SHISAL2A: variants seen among roughly 807,000 people sequenced by gnomAD.
SHISAL2A encodes protein shisa-like-2A.
SHISAL2A carries 18 observed loss-of-function variants against 11.5 expected under a neutral mutation model. That is an observed-to-expected ratio of 1.57 (90% CI 1.08 to 2.33). SHISAL2A has a LOEUF of 2.33. SHISAL2A is among the 30% of genes most tolerant of loss of function. SHISAL2A has a pLI of 0.00. For synonymous variants in SHISAL2A, 94 were observed against 99.6 expected (o/e 0.94, Z 0.34); for missense variants, 261 against 250.9 (o/e 1.04, Z -0.27).
chr1:52,667,396 C>T (rs1692032546), intron 4 of SHISAL2A: 1 of 984,650 alleles, frequency 1.0e-6, no homozygotes, highest in Non-Finnish European at 1.2e-6. Flanking sequence ...TATGACCCTG[C>T]AGGTGGTTCC....
At chr1:52,658,061 A>C (rs925762133), downstream of SHISAL2A, among the ~76,000 whole-genome samples, 7 of 150,084 alleles carry the variant, frequency 4.7e-5, no homozygotes, top group African/African-American at 1.7e-4. Flanking sequence ...TTTTTTTGAG[A>C]CGGAGTTTTG....
Position 52,637,909 on chromosome 1 carries a change from A to G in SHISAL2A, c.182+4234A>G, listed in dbSNP as rs528832616. Among the ~76,000 whole-genome samples the G allele has an allele frequency of 2.6e-5, 4 of 152,154 alleles. No homozygotes were observed. In the South Asian group the frequency reaches 6.2e-4, roughly 24 times the overall value. ...CGAAGACTCGAGGCTCTCTAATTCA[A>G]TTTCCTACCCAGGGTAGGAATCTCT... is the stretch of plus-strand genomic sequence containing the variant. On this transcript the variant is annotated intron_variant, in intron 1 of 2. Transcript: ENST00000517870.
downstream of SHISAL2A, among the ~76,000 whole-genome samples, chr1:52,660,427 G>T (rs1192637428): frequency 6.6e-6 from 1 of 152,144 alleles, no homozygotes; most frequent in Non-Finnish European, 1.5e-5. Flanking sequence ...CACCCTGTGT[G>T]ATAGGAGCCC....
chr1:52,654,852 C>T (rs1480249709), intron 2 of SHISAL2A, among the ~76,000 whole-genome samples: 1 of 152,130 alleles, frequency 6.6e-6, no homozygotes, highest in Non-Finnish European at 1.5e-5. Flanking sequence ...AAAAGGCAAG[C>T]CTCAGACTGG....
At chr1:52,638,305 C>G (rs933284543) in intron 1 of SHISAL2A, among the ~76,000 whole-genome samples, 2 of 95,244 alleles carry the variant, frequency 2.1e-5, no homozygotes, top group Non-Finnish European at 3.4e-5. Flanking sequence ...TCTTAGAGGC[C>G]CCTTTCTATC....
At chr1:52,643,520 T>G (rs1159648621) in intron 2 of SHISAL2A, among the ~76,000 whole-genome samples, 4 of 152,166 alleles carry the variant, frequency 2.6e-5, no homozygotes, top group Non-Finnish European at 5.9e-5. Flanking sequence ...AAGCCTTTTT[T>G]GCACACATTT....
intron 1 of SHISAL2A, among the ~76,000 whole-genome samples, chr1:52,639,398 T>C (rs1275676750): frequency 6.6e-6 from 1 of 152,170 alleles, no homozygotes; most frequent in East Asian, 1.9e-4. Flanking sequence ...ATTAGTAGTG[T>C]GTCCTGCTCT....
chr1:52,656,332 TG>T (rs1291525209), intron 2 of SHISAL2A, among the ~76,000 whole-genome samples: 3 of 152,128 alleles, frequency 2.0e-5, no homozygotes, highest in African/African-American at 7.2e-5. Flanking sequence ...TAAGGCCAAG[TG>T]GACTTCCTTT....
chr1:52,634,035 A>G (rs995131586), intron 1 of SHISAL2A, among the ~76,000 whole-genome samples: 1 of 151,420 alleles, frequency 6.6e-6, no homozygotes, highest in African/African-American at 2.4e-5. Flanking sequence ...AGGCAGCCCA[A>G]CTCCACCCCA....
At chr1:52,663,733 C>T (rs1283428616) in intron 4 of SHISAL2A, among the ~76,000 whole-genome samples, 1 of 152,004 alleles carries the variant, frequency 6.6e-6, no homozygotes, top group African/African-American at 2.4e-5. Flanking sequence ...TGCATTCCAG[C>T]CTGGGCAACA....
chr1:52,641,200 G>C (rs1042844480), intron 1 of SHISAL2A, among the ~76,000 whole-genome samples: 1 of 152,018 alleles, frequency 6.6e-6, no homozygotes, highest in African/African-American at 2.4e-5. Flanking sequence ...GTTTTTTTGA[G>C]TTCAGTGAGC....
chr1:52,652,945 G>A (rs1292728756), intron 2 of SHISAL2A, among the ~76,000 whole-genome samples: 3 of 108,948 alleles, frequency 2.8e-5, no homozygotes, highest in Admixed American at 1.3e-4. Context: ...CAGCCTGGGT[G>A]ACAGAGTGAG....
chr1:52,644,734 G>A (rs1228501963), intron 2 of SHISAL2A, among the ~76,000 whole-genome samples: 1 of 133,652 alleles, frequency 7.5e-6, no homozygotes, highest in Non-Finnish European at 1.6e-5. Flanking sequence ...AGAAAAAAGT[G>A]GGGCCGGGTG....
At chr1:52,645,281 G>A (rs1382021539) in intron 2 of SHISAL2A, among the ~76,000 whole-genome samples, 7 of 152,228 alleles carry the variant, frequency 4.6e-5, no homozygotes, top group African/African-American at 1.7e-4. Flanking sequence ...AGGGTGGAAG[G>A]ATTCAGCTGG....
intron 2 of SHISAL2A, among the ~76,000 whole-genome samples, chr1:52,645,561 C>T (rs868067463): frequency 5.6e-5 from 8 of 142,492 alleles, no homozygotes; most frequent in Non-Finnish European, 1.3e-4. Flanking sequence ...GTGCGTAGCA[C>T]CACACCTGGC....
chr1:52,647,531 T>C (rs1003420266), intron 2 of SHISAL2A, among the ~76,000 whole-genome samples: 1 of 152,022 alleles, frequency 6.6e-6, no homozygotes, highest in African/African-American at 2.4e-5. Flanking sequence ...TTACTAATAA[T>C]CAGGGGAATG....
At chr1:52,639,042 A>T (rs1461068601) in intron 1 of SHISAL2A, among the ~76,000 whole-genome samples, 1 of 152,178 alleles carries the variant, frequency 6.6e-6, no homozygotes, top group Non-Finnish European at 1.5e-5. Flanking sequence ...GTGTGGTGGC[A>T]CATGCCTGTA....
rs748966462 is a variant in SHISAL2A, at chr1:52,633,691, C to T, written c.182+16C>T. 2 of 1,590,290 alleles carry T rather than the reference C, an allele frequency of 1.3e-6. No individual in the cohort carries two copies. The highest frequency in any genetic ancestry group is 2.8e-5 in the African/African-American group (2 of 72,470). ...GGTGGCTCAGGTACCGTCCCTGGCCCTCACCCTACCTTGAACCCCACTCCA... is the reference window on the plus strand; with the variant it reads ...GGTGGCTCAGGTACCGTCCCTGGCCTTCACCCTACCTTGAACCCCACTCCA... On this transcript the variant is annotated intron_variant, in intron 1 of 2. Coordinates refer to ENST00000517870, the MANE Select transcript of SHISAL2A (RefSeq NM_001042693.3). This position sits in a 1 kb window ranked among gnomAD's most constrained non-coding sequence, Gnocchi z 6.4.
rs1363925853 is a variant in SHISAL2A at position 52,657,005 on chromosome 1, G to A, written c.538G>A (p.Val180Ile). 8 of 1,613,558 alleles carry A rather than the reference G, an allele frequency of 5.0e-6. No homozygotes were observed. Among genetic ancestry groups the A allele is most frequent in the Non-Finnish European group, 6.8e-6 (8 of 1,179,742 alleles). Residue 180 changes from valine to isoleucine, a missense_variant, in exon 3 of 3, where the codon GTA (valine) becomes ATA (isoleucine). Coordinates refer to ENST00000517870, the MANE Select transcript of SHISAL2A (RefSeq NM_001042693.3). ...TCCAGGCAGCCCTGAGGAAGCCTCT[G>A]TACCCAACCCTGACCTATGTGGACC... ...DIPGSPEEASVPNPDLCGPVP is the reference protein window; with the variant it reads ...DIPGSPEEASIPNPDLCGPVP
Sources: gnomAD v4.1 joint callset for allele counts (sites outside exome capture counted in the v4.1 genomes callset) on GRCh38, gnomAD v4.1.1 for gene constraint, Gnocchi (gnomAD v3.1) non-coding constraint, MANE v1.5 for transcripts, NCBI Gene and HGNC (gene_info 2026-07-23, HGNC 2026-07-21) for gene names.